Variants in CSMD1 observed in about 807,000 individuals in gnomAD.
The protein encoded by CSMD1 is CUB and Sushi multiple domains 1, also known as CUB and sushi domain-containing protein 1.
CSMD1 carries 213 observed loss-of-function variants against 417.5 expected under a neutral mutation model. That is an observed-to-expected ratio of 0.51 (90% CI 0.46 to 0.57). The LOEUF is 0.57. Ranked by LOEUF, CSMD1 falls within the 20% of genes least tolerant of loss-of-function variation. The pLI is 0.00. For missense variants in CSMD1, 6,923 were observed against 4,529.7 expected, an observed-to-expected ratio of 1.53 and a Z score of -15.17; for synonymous variants, 2,862 against 1,736.8, an observed-to-expected ratio of 1.65 and a Z score of -16.11.
chr8:3,694,368 A>C (rs1333005475), intron 7 of CSMD1, among the ~76,000 whole-genome samples: 1 of 152,128 alleles, frequency 6.6e-6, no homozygotes, highest in Non-Finnish European at 1.5e-5. Flanking sequence ...GGATTTTCCC[A>C]AACTGACACC....
rs535482552 is a variant in CSMD1, at chr8:4,100,905, G to A, written c.416-68806C>T. Among the ~76,000 whole-genome samples the A allele has an allele frequency of 1.4e-4, 22 of 152,286 alleles. No homozygotes were observed. In the East Asian group the frequency reaches 4.2e-3, roughly 29 times the overall value. ...CCATTTATACAAGAAATAAAGAACA[G>A]AAAGTGGTGTATATGAAGGTGGAAA... On this transcript the variant is annotated intron_variant, in intron 3 of 69. Coordinates refer to ENST00000635120, the MANE Select transcript of CSMD1 (RefSeq NM_033225.6).
intron 1 of CSMD1, among the ~76,000 whole-genome samples, chr8:4,671,212 G>A (rs1314921534): frequency 6.6e-6 from 1 of 152,162 alleles, no homozygotes; most frequent in Non-Finnish European, 1.5e-5. Context: ...CTTTCAAGAT[G>A]AAGTATTCAA....
At chr8:4,081,063 A>C (rs541646202) in intron 3 of CSMD1, among the ~76,000 whole-genome samples, 2 of 152,280 alleles carry the variant, frequency 1.3e-5, no homozygotes, top group Non-Finnish European at 1.5e-5. Flanking sequence ...CCCTTGGGTA[A>C]TTCAGTAAGA....
At chr8:3,400,338 A>C (rs984314708) in intron 15 of CSMD1, among the ~76,000 whole-genome samples, 1 of 152,204 alleles carries the variant, frequency 6.6e-6, no homozygotes, top group Non-Finnish European at 1.5e-5. Flanking sequence ...TAGATATCAA[A>C]TAAAGTACGT....
At chr8:4,311,333 G>A (rs143004881) in intron 3 of CSMD1, among the ~76,000 whole-genome samples, 24 of 152,310 alleles carry the variant, frequency 1.6e-4, no homozygotes, top group African/African-American at 3.8e-4. Context: ...AAAGGAATGC[G>A]ATCAAGTCCT....
At chr8:4,392,183 A>G (rs1296979256) in intron 3 of CSMD1, among the ~76,000 whole-genome samples, 1 of 152,158 alleles carries the variant, frequency 6.6e-6, no homozygotes, top group East Asian at 1.9e-4. Flanking sequence ...TCAACGTGCT[A>G]AGTCTTGAGG....
At chr8:4,591,649 T>A (rs910774504) in intron 2 of CSMD1, among the ~76,000 whole-genome samples, 4 of 152,124 alleles carry the variant, frequency 2.6e-5, no homozygotes, top group African/African-American at 9.7e-5. Context: ...GGAGAGGGCA[T>A]AAGTATGTAG....
intron 5 of CSMD1, among the ~76,000 whole-genome samples, chr8:3,883,059 G>A (rs1343749174): frequency 6.6e-6 from 1 of 152,086 alleles, no homozygotes; most frequent in East Asian, 1.9e-4. Context: ...AAGAGCCACT[G>A]ACATAAATGT....
At chr8:4,467,886 A>T (rs1800279102) in intron 2 of CSMD1, among the ~76,000 whole-genome samples, 1 of 152,240 alleles carries the variant, frequency 6.6e-6, no homozygotes, top group Non-Finnish European at 1.5e-5. Context: ...AGAATCATCT[A>T]GTGGGTTGAA....
At chr8:3,770,344 T>G (rs1161908859) in intron 5 of CSMD1, among the ~76,000 whole-genome samples, 1 of 152,066 alleles carries the variant, frequency 6.6e-6, no homozygotes, top group East Asian at 1.9e-4. Flanking sequence ...GCCTGTCCTA[T>G]GTGGTGAAAC....
chr8:3,422,320 G>C lies in CSMD1; in HGVS notation c.1562-12715C>G, dbSNP rs1479296624. 9.2e-5 allele frequency among the ~76,000 whole-genome samples: 14 copies of C among 152,214 alleles called. No homozygotes were observed. In the South Asian group the frequency reaches 2.1e-3, roughly 23 times the overall value. On this transcript the variant is annotated intron_variant, in intron 12 of 69. Transcript: ENST00000635120. ...CTCAGCCAATAATTTGGGGTTTGTT[G>C]AGGGAGTTGGAAAAAATGAGCCAGA...
rs140709493 is a variant in CSMD1 at position 4,600,880 on chromosome 8, A to T, written c.302+36462T>A. ...AAGGTTTGCTTATCGCCACATTTAT[A>T]CAGACTGTTGAGGAAGCTAAGAAAA... On this transcript the variant is annotated intron_variant, in intron 2 of 69. Coordinates refer to ENST00000635120, the MANE Select transcript of CSMD1 (RefSeq NM_033225.6). Among the ~76,000 whole-genome samples, 339 of 152,312 alleles carry T rather than the reference A, an allele frequency of 2.2e-3. 2 individuals carry two copies. The highest frequency in any genetic ancestry group is 7.9e-3 in the African/African-American group (328 of 41,554).
At chr8:4,486,250 CATATATATATATATAT>C in intron 2 of CSMD1, among the ~76,000 whole-genome samples, 1 of 13,220 alleles carries the variant, frequency 7.6e-5, no homozygotes, top group East Asian at 1.9e-3. Flanking sequence ...TATATACATA[CATATATATATATATAT>C]ATATATATAT....
intron 3 of CSMD1, among the ~76,000 whole-genome samples, chr8:4,173,019 G>C (rs116629435): frequency 0.022 from 3,354 of 152,168 alleles, 139 homozygotes; most frequent in African/African-American, 0.075. Flanking sequence ...TAAATGCTTG[G>C]TATTTTAGCC....
At chr8:4,859,391 G>C (rs1394625521) in intron 1 of CSMD1, among the ~76,000 whole-genome samples, 1 of 152,124 alleles carries the variant, frequency 6.6e-6, no homozygotes, top group Non-Finnish European at 1.5e-5. Context: ...AAAAGCAATA[G>C]CAACAAAAGA....
chr8:3,229,759 C>T (rs975625655), intron 27 of CSMD1, among the ~76,000 whole-genome samples: 2 of 152,158 alleles, frequency 1.3e-5, no homozygotes, highest in African/African-American at 4.8e-5. Flanking sequence ...TTTTAAATTA[C>T]AGACATTTGA....
At chr8:3,175,194 A>G (rs1372938039) in intron 37 of CSMD1, among the ~76,000 whole-genome samples, 1 of 152,238 alleles carries the variant, frequency 6.6e-6, no homozygotes, top group East Asian at 1.9e-4. Context: ...TGAACATTCA[A>G]CTATACTAAA....
chr8:4,918,379 T>G (rs1482993066), intron 1 of CSMD1, among the ~76,000 whole-genome samples: 1 of 152,224 alleles, frequency 6.6e-6, no homozygotes, highest in Non-Finnish European at 1.5e-5. Context: ...TGGGTGTTCC[T>G]CCCAGATTCA....
At chr8:3,968,004 T>TAAAAAAAAAAAAAAAAAAAAA (rs11330461) in intron 5 of CSMD1, among the ~76,000 whole-genome samples, 2 of 98,920 alleles carry the variant, frequency 2.0e-5, no homozygotes, top group Non-Finnish European at 1.9e-5. Context: ...CGTCACTGCT[T>TAAAAAAAAAAAAAAAAAAAAA]AAAAAAAAAA....
Sources: gnomAD v4.1 joint callset for allele counts (sites outside exome capture counted in the v4.1 genomes callset) on GRCh38, gnomAD v4.1.1 for gene constraint, MANE v1.5 for transcripts, NCBI Gene and HGNC (gene_info 2026-07-23, HGNC 2026-07-21) for gene names.